OR51B5: variants seen among roughly 807,000 people sequenced by gnomAD.
The protein encoded by OR51B5 is olfactory receptor family 51 subfamily B member 5, also known as olfactory receptor 51B5.
For missense variants in OR51B5, 456 were observed against 374.6 expected, an observed-to-expected ratio of 1.22 and a Z score of -1.79; for synonymous variants, 186 against 144.8, an observed-to-expected ratio of 1.28 and a Z score of -2.04.
intron 1 of OR51B5, among the ~76,000 whole-genome samples, chr11:5,471,343 T>C (rs1384523856): frequency 6.6e-6 from 1 of 152,110 alleles, no homozygotes; most frequent in Non-Finnish European, 1.5e-5. Flanking sequence ...ATGGTTAAAA[T>C]ATTGATCAAA....
intron 1 of OR51B5, among the ~76,000 whole-genome samples, chr11:5,363,291 G>A (rs972842572): frequency 3.5e-5 from 4 of 115,360 alleles, no homozygotes; most frequent in Admixed American, 8.7e-5. Flanking sequence ...ACACACCGGT[G>A]AGTGGACAGA....
intron 1 of OR51B5, among the ~76,000 whole-genome samples, chr11:5,357,651 T>G (rs1433991636): frequency 6.6e-6 from 1 of 151,118 alleles, no homozygotes; most frequent in Non-Finnish European, 1.5e-5. Context: ...CTAATAGACA[T>G]CTACAGAACT....
intron 1 of OR51B5, among the ~76,000 whole-genome samples, chr11:5,430,061 A>G (rs1381529590): frequency 6.6e-6 from 1 of 152,198 alleles, no homozygotes; most frequent in Non-Finnish European, 1.5e-5. Context: ...AGGTAAATGT[A>G]AACAAAAATA....
In OR51B5 at chr11:5,415,552, G is replaced by C. The variant is rs1050786792; in HGVS notation, n.85-68642C>G. 2.0e-4 allele frequency among the ~76,000 whole-genome samples: 31 copies of C among 151,944 alleles called. No homozygotes were observed. The East Asian group carries it at 2.1e-3, about 10-fold the overall frequency. ...AGCAAGACTAATAAAGAAAAAAAGA[G>C]AGAAGAATCAAATAGATGCAATGAA... On this transcript the variant is annotated intron_variant and non_coding_transcript_variant, in intron 1 of 4. Transcript: ENST00000415970.
chr11:5,484,366 C>G (rs1186181215), intron 1 of OR51B5, among the ~76,000 whole-genome samples: 1 of 152,118 alleles, frequency 6.6e-6, no homozygotes, highest in South Asian at 2.1e-4. Context: ...TCCACACATC[C>G]TTAGATAATC....
chr11:5,360,740 C>T (rs986708440), intron 1 of OR51B5, among the ~76,000 whole-genome samples: 8 of 149,620 alleles, frequency 5.3e-5, no homozygotes, highest in Non-Finnish European at 1.0e-4. Context: ...TGGAACCAAC[C>T]CAAATGTCCA....
chr11:5,363,237 TCACACACACACACACACA>T (rs3219794), intron 1 of OR51B5, among the ~76,000 whole-genome samples: 50,997 of 142,706 alleles, frequency 0.36, 9,990 homozygotes, highest in Non-Finnish European at 0.41. Context: ...ACCCAACCCC[TCACACACACACACACACA>T]CACACACACA....
chr11:5,441,219 C>T (rs1173637022), intron 1 of OR51B5: 1 of 1,613,932 alleles, frequency 6.2e-7, no homozygotes, highest in Admixed American at 1.7e-5. Context: ...CTGGACCAGG[C>T]AAGCATTAAA....
chr11:5,454,396 T>C (rs1850920001), intron 1 of OR51B5: 3 of 1,608,090 alleles, frequency 1.9e-6, no homozygotes, highest in African/African-American at 1.4e-5. Flanking sequence ...CGCCGAGCCA[T>C]TTTCCGCATG....
intron 1 of OR51B5, among the ~76,000 whole-genome samples, chr11:5,348,633 G>A (rs1364095531): frequency 1.3e-5 from 2 of 152,068 alleles, no homozygotes; most frequent in African/African-American, 4.8e-5. Context: ...TTTATATTGT[G>A]TAACAGGCAT....
chr11:5,422,127 A>C, intron 1 of OR51B5: 1 of 1,189,132 alleles, frequency 8.4e-7, no homozygotes, highest in Non-Finnish European at 1.2e-6. Flanking sequence ...TAAATGGGGC[A>C]AAGAGATATT....
intron 1 of OR51B5, among the ~76,000 whole-genome samples, chr11:5,483,795 A>G (rs1262423351): frequency 6.6e-6 from 1 of 152,172 alleles, no homozygotes; most frequent in Non-Finnish European, 1.5e-5. Context: ...CAGAAAGTCA[A>G]TAAATAACCC....
At chr11:5,411,373 A>C (rs1850146607) in intron 1 of OR51B5, among the ~76,000 whole-genome samples, 1 of 152,184 alleles carries the variant, frequency 6.6e-6, no homozygotes, top group Non-Finnish European at 1.5e-5. Context: ...ATGTGTAGTA[A>C]GCTGTACCAT....
chr11:5,357,536 A>C (rs1849214142), intron 1 of OR51B5, among the ~76,000 whole-genome samples: 1 of 152,202 alleles, frequency 6.6e-6, no homozygotes, highest in Admixed American at 6.5e-5. Flanking sequence ...GGGAGACTTT[A>C]ACACCCCACT....
intron 1 of OR51B5, among the ~76,000 whole-genome samples, chr11:5,420,073 A>G (rs1850308659): frequency 1.3e-5 from 2 of 151,822 alleles, no homozygotes; most frequent in Non-Finnish European, 2.9e-5. Flanking sequence ...TAGGCCTTTT[A>G]ATATTTGAAC....
rs112670421 is a variant in OR51B5 at position 5,350,972 on chromosome 11, T to C, written n.85-4062A>G. ...TACTATTTTATTGTATTTGCTCATA[T>C]ATTTCTTACTTGTGTATTTGTTTTT... On this transcript the variant is annotated intron_variant and non_coding_transcript_variant, in intron 1 of 4. Coordinates refer to the OR51B5 transcript ENST00000415970. 2.8e-3 allele frequency among the ~76,000 whole-genome samples: 433 copies of C among 152,330 alleles called. 8 individuals are homozygous for C. Among genetic ancestry groups the C allele is most frequent in the Admixed American group, 4.1e-3 (62 of 15,298 alleles).
chr11:5,389,392 C>T, intron 1 of OR51B5: 1 of 1,609,342 alleles, frequency 6.2e-7, no homozygotes, highest in Admixed American at 1.7e-5. Flanking sequence ...AGCTCAATCC[C>T]CGAGGAATGT....
At chr11:5,353,242 T>C (rs146630318) in intron 1 of OR51B5, among the ~76,000 whole-genome samples, 548 of 152,302 alleles carry the variant, frequency 3.6e-3, no homozygotes, top group Middle Eastern at 0.01. Context: ...GTTAAAACTT[T>C]GGTTAACATT....
intron 1 of OR51B5, among the ~76,000 whole-genome samples, chr11:5,485,702 T>C (rs908289160): frequency 1.3e-5 from 2 of 152,170 alleles, no homozygotes; most frequent in African/African-American, 4.8e-5. Context: ...TGTCCCCCTG[T>C]CTGAAATGTT....
Sources: allele counts gnomAD v4.1 joint callset (sites outside exome capture counted in the v4.1 genomes callset), GRCh38; gene constraint gnomAD v4.1.1; transcripts MANE v1.5; gene names NCBI Gene and HGNC (gene_info 2026-07-23, HGNC 2026-07-21).